The following GPR137C variants were observed in gnomAD, a reference collection of about 807,000 sequenced individuals.
GPR137C encodes integral membrane protein GPR137C.
Under a neutral mutation model 43.4 loss-of-function variants are expected in GPR137C, and 27 were observed. The ratio of observed to expected loss-of-function variants is 0.62; its 90% CI spans 0.46 to 0.86. The LOEUF is 0.86. Among genes scored for constraint, GPR137C ranks in the 40% least tolerant of loss-of-function variants. The probability of loss-of-function intolerance (pLI) is 0.00; values close to 1 mark genes in which losing one functional copy is unlikely to be tolerated. For synonymous variants in GPR137C, 285 were observed against 226.9 expected, an observed-to-expected ratio of 1.26 and a Z score of -2.30; for missense variants, 522 against 534.6, an observed-to-expected ratio of 0.98 and a Z score of 0.23.
intron 1 of GPR137C, among the ~76,000 whole-genome samples, chr14:52,583,657 T>C (rs1479995793): frequency 1.3e-5 from 2 of 152,242 alleles, no homozygotes; most frequent in African/African-American, 4.8e-5. Flanking sequence ...TACTTCCCAA[T>C]ACTACTTACT....
At chr14:52,558,628 A>G (rs577240495) in intron 1 of GPR137C, among the ~76,000 whole-genome samples, 59 of 152,226 alleles carry the variant, frequency 3.9e-4, no homozygotes, top group Non-Finnish European at 7.8e-4. Context: ...TCCAAAAAAC[A>G]TGGGTTCAGA....
chr14:52,571,844 C>A (rs2038475363), intron 1 of GPR137C, among the ~76,000 whole-genome samples: 1 of 151,838 alleles, frequency 6.6e-6, no homozygotes, highest in Non-Finnish European at 1.5e-5. Context: ...CAAAATAGAC[C>A]ACTAGCCAGA....
intron 1 of GPR137C, among the ~76,000 whole-genome samples, chr14:52,556,352 T>C (rs1333431398): frequency 6.6e-6 from 1 of 151,696 alleles, no homozygotes; most frequent in Non-Finnish European, 1.5e-5. Flanking sequence ...CTAAAACTCA[T>C]GTTTTTGAAA....
intron 3 of GPR137C, among the ~76,000 whole-genome samples, chr14:52,604,772 G>A (rs898468221): frequency 6.6e-6 from 1 of 152,060 alleles, no homozygotes; most frequent in African/African-American, 2.4e-5. Flanking sequence ...TAATTCCTCT[G>A]CATATGGATA....
chr14:52,604,980 A>G (rs949785246), intron 3 of GPR137C, among the ~76,000 whole-genome samples: 4 of 152,184 alleles, frequency 2.6e-5, no homozygotes, highest in African/African-American at 7.2e-5. Flanking sequence ...ATAATTTAAA[A>G]TCAAATATTG....
intron 1 of GPR137C, among the ~76,000 whole-genome samples, chr14:52,578,140 G>C (rs1379022794): frequency 1.3e-5 from 2 of 152,098 alleles, no homozygotes; most frequent in African/African-American, 2.4e-5. Context: ...AAATTTCATA[G>C]TGATGTATCT....
intron 1 of GPR137C, among the ~76,000 whole-genome samples, chr14:52,595,335 T>C (rs2139515820): frequency 6.6e-6 from 1 of 152,312 alleles, no homozygotes; most frequent in African/African-American, 2.4e-5. Flanking sequence ...TGTGGTGTTC[T>C]CTGAATTTCC....
Position 52,615,594 on chromosome 14 carries a change from C to T in GPR137C, c.717+15253C>T, listed in dbSNP as rs924554422. On this transcript the variant is annotated intron_variant, in intron 3 of 6. Coordinates refer to ENST00000321662, the MANE Select transcript of GPR137C (RefSeq NM_001099652.2). Reference sequence around the variant, plus strand: ...AATATTGATTCTTCCAATCCATGAACATGAAATATCTTTCCATTTATTTGG... The same window carrying T: ...AATATTGATTCTTCCAATCCATGAATATGAAATATCTTTCCATTTATTTGG... Among the ~76,000 whole-genome samples, 6 of 151,450 alleles carry T rather than the reference C, an allele frequency of 4.0e-5. 1 individual carries two copies. The highest frequency in any genetic ancestry group is 3.3e-4 in the Admixed American group (5 of 15,178).
intron 1 of GPR137C, among the ~76,000 whole-genome samples, chr14:52,558,629 TG>T (rs1379517700): frequency 1.3e-5 from 2 of 152,098 alleles, no homozygotes; most frequent in African/African-American, 4.8e-5. Context: ...CCAAAAAACA[TG>T]GGTTCAGAAT....
intron 1 of GPR137C, among the ~76,000 whole-genome samples, chr14:52,558,103 C>CA (rs11462333): frequency 0.31 from 37,369 of 121,676 alleles, 5,809 homozygotes; most frequent in African/African-American, 0.48. Context: ...CAGAAACTAC[C>CA]AAAAAAAAAA....
intron 3 of GPR137C, among the ~76,000 whole-genome samples, chr14:52,624,403 G>A (rs2039196628): frequency 6.6e-6 from 1 of 152,048 alleles, no homozygotes; most frequent in South Asian, 2.1e-4. Flanking sequence ...CTTAGAAATG[G>A]TAGTGGGAGT....
chr14:52,583,675 T>C (rs1474584341), intron 1 of GPR137C, among the ~76,000 whole-genome samples: 1 of 152,228 alleles, frequency 6.6e-6, no homozygotes, highest in Non-Finnish European at 1.5e-5. Flanking sequence ...ACTAATATTA[T>C]ACCATCATCA....
chr14:52,595,189 T>C (rs748083599), intron 1 of GPR137C, among the ~76,000 whole-genome samples: 1 of 152,236 alleles, frequency 6.6e-6, no homozygotes, highest in Non-Finnish European at 1.5e-5. Flanking sequence ...AGAGATCCCC[T>C]GTTAGTCTGA....
At chr14:52,600,762 G>T (rs188254283) in intron 3 of GPR137C, among the ~76,000 whole-genome samples, 1 of 152,254 alleles carries the variant, frequency 6.6e-6, no homozygotes, top group Admixed American at 6.5e-5. Context: ...ATTCTGCATT[G>T]GAGGCTAATC....
intron 3 of GPR137C, among the ~76,000 whole-genome samples, chr14:52,628,154 G>T (rs1300240832): frequency 6.6e-6 from 1 of 152,192 alleles, no homozygotes; most frequent in Non-Finnish European, 1.5e-5. Flanking sequence ...CTACTGACAT[G>T]AGAAAGACAG....
intron 3 of GPR137C, chr14:52,612,112 T>C: frequency 1.0e-6 from 1 of 983,568 alleles, no homozygotes; most frequent in East Asian, 1.1e-4. Context: ...TATGGGCAGT[T>C]AGCCATATTA....
In GPR137C at chr14:52,633,618, T is replaced by A. The variant is rs1324262912; in HGVS notation, c.956T>A (p.Val319Glu). Reference sequence around the variant, plus strand: ...GAACATGTGCCAGCATGGTCGGTGGTACTGTTTTTCCGGGCACAGAGATTA... The same window carrying A: ...GAACATGTGCCAGCATGGTCGGTGGAACTGTTTTTCCGGGCACAGAGATTA... The part of the protein sequence containing the change: ...LWEHVPAWSV[V>E]LFFRAQRLNQ... Residue 319 changes from valine (V) to glutamate (E), a missense_variant, in exon 5 of 7, where the codon GTA (valine) becomes GAA (glutamate). Coordinates refer to ENST00000321662, the MANE Select transcript of GPR137C (RefSeq NM_001099652.2). 1 of 1,613,190 alleles carries A rather than the reference T, an allele frequency of 6.2e-7. No homozygotes were observed. The highest frequency in any genetic ancestry group is 8.5e-7 in the Non-Finnish European group (1 of 1,179,360).
rs1594812990 is a variant in GPR137C, at chr14:52,635,435, C to T, written c.*320C>T. On this transcript the variant is annotated 3_prime_UTR_variant, in exon 7 of 7. Coordinates refer to ENST00000321662, the MANE Select transcript of GPR137C (RefSeq NM_001099652.2). ...TCTGAGTCACTGCAGTCCCCAAAGT[C>T]ATATGCCAATGTTCACACTGAAATA... is the stretch of plus-strand genomic sequence containing the variant. 4.6e-6 allele frequency: 1 copy of T among 218,794 alleles called. No homozygotes were observed. Among genetic ancestry groups the T allele is most frequent in the East Asian group, 1.4e-4 (1 of 7,156 alleles). 13.6% of individuals were successfully genotyped at this position (218,794 alleles called of 1,614,324 possible). A position where few individuals can be genotyped will look rare whatever the true frequency, so the allele number is the denominator to read the frequency against.
intron 1 of GPR137C, among the ~76,000 whole-genome samples, chr14:52,561,725 A>G (rs530514280): frequency 6.0e-4 from 91 of 152,340 alleles, no homozygotes; most frequent in Middle Eastern, 3.4e-3. Flanking sequence ...CCAGGGAAAG[A>G]TGAGCTCACA....
Sources: allele counts gnomAD v4.1 joint callset (sites outside exome capture counted in the v4.1 genomes callset), GRCh38; gene constraint gnomAD v4.1.1; transcripts MANE v1.5; gene names NCBI Gene and HGNC (gene_info 2026-07-23, HGNC 2026-07-21).